PCDHGA10: variants seen among roughly 807,000 people sequenced by gnomAD.
The protein encoded by PCDHGA10 is protocadherin gamma subfamily A, 10.
In PCDHGA10, 42 loss-of-function variants were observed where a neutral mutation model predicts 59.5. That is an observed-to-expected ratio of 0.71 (90% CI 0.55 to 0.91). The LOEUF (loss-of-function observed/expected upper bound fraction) is 0.91, where lower values mean the gene tolerates loss of function less well. Among genes scored for constraint, PCDHGA10 ranks in the 40% least tolerant of loss-of-function variants. PCDHGA10 has a pLI of 0.00. For synonymous variants in PCDHGA10, 511 were observed against 517.2 expected (o/e 0.99, Z 0.16); for missense variants, 1,111 against 1,198.2 (o/e 0.93, Z 1.07).
intron 1 of PCDHGA10, among the ~76,000 whole-genome samples, chr5:141,435,011 A>G (rs2097737147): frequency 6.6e-6 from 1 of 152,126 alleles, no homozygotes; most frequent in African/African-American, 2.4e-5. Flanking sequence ...TTTATCAATG[A>G]TAATGCTCTT....
intron 1 of PCDHGA10, among the ~76,000 whole-genome samples, chr5:141,459,949 G>T (rs1284876601): frequency 2.0e-5 from 3 of 152,124 alleles, no homozygotes; most frequent in Non-Finnish European, 4.4e-5. Context: ...GTGATGGCAG[G>T]TGCCTGTAAT....
At position 141,486,368 on chromosome 5, in the gene PCDHGA10, T is replaced by C. The variant is rs1217513529; in HGVS notation, c.2437-8439T>C. 6.2e-7 allele frequency: 1 copy of C among 1,614,014 alleles called. No homozygotes were observed. Among genetic ancestry groups the C allele is most frequent in the Non-Finnish European group, 8.5e-7 (1 of 1,180,000 alleles). On this transcript the variant is annotated intron_variant, in intron 1 of 3. Coordinates refer to ENST00000398610, the MANE Select transcript of PCDHGA10 (RefSeq NM_018913.3). This position sits in a 1 kb window ranked among gnomAD's most constrained non-coding sequence, Gnocchi z 5.0. ...TGACCACTTGCCATTTGCCCTCAAGTCTGCCTTCAGGAACCAGTTCTCCCT... is the reference window on the plus strand; with the variant it reads ...TGACCACTTGCCATTTGCCCTCAAGCCTGCCTTCAGGAACCAGTTCTCCCT...
rs141958687 is a variant in PCDHGA10 at position 141,509,744 on chromosome 5, G to A, written c.2585-1203G>A. 3.3e-3 allele frequency among the ~76,000 whole-genome samples: 509 copies of A among 152,266 alleles called. 3 individuals are homozygous for A. The highest frequency in any genetic ancestry group is 5.5e-3 in the Non-Finnish European group (372 of 68,024). On this transcript the variant is annotated intron_variant, in intron 3 of 3. Coordinates refer to ENST00000398610, the MANE Select transcript of PCDHGA10 (RefSeq NM_018913.3). ...CACCTAGCTGTGGCACTCTGAGCCT[G>A]TGCCTAAAGTGTCCCTGAGATGTCT...
At chr5:141,498,361 T>C (rs1256361883) in intron 2 of PCDHGA10, among the ~76,000 whole-genome samples, 1 of 151,460 alleles carries the variant, frequency 6.6e-6, no homozygotes, top group African/African-American at 2.4e-5. Flanking sequence ...GCAAAAGCCT[T>C]GTGGTGAGGC....
chr5:141,498,805 C>T (rs1397026274), intron 2 of PCDHGA10, among the ~76,000 whole-genome samples: 1 of 152,000 alleles, frequency 6.6e-6, no homozygotes, highest in Non-Finnish European at 1.5e-5. Flanking sequence ...TGGTGGTGCA[C>T]ACCTGTAGTC....
In PCDHGA10 at chr5:141,415,487, A is replaced by C; in HGVS notation, c.2312A>C (p.His771Pro). 6.2e-7 allele frequency: 1 copy of C among 1,614,170 alleles called. No individual in the cohort carries two copies. The highest frequency in any genetic ancestry group is 8.5e-7 in the Non-Finnish European group (1 of 1,180,034). Residue 771 changes from histidine to proline, a missense_variant, in exon 1 of 4, where the codon CAC becomes CCC. Physicochemically the swap from His to Pro is moderately conservative, Grantham distance 77 (BLOSUM62 -2). Transcript: ENST00000398610. Reference protein sequence around the residue: ...VSLTADSRKSHLIFPQPNYAD... With the variant: ...VSLTADSRKSPLIFPQPNYAD... ...CTCACCGCGGACTCGCGAAAGAGTC[A>C]CCTGATCTTCCCCCAGCCCAATTAT...
Position 141,485,931 on chromosome 5 carries a change from A to C in PCDHGA10, c.2437-8876A>C, listed in dbSNP as rs761979804. 3 of 1,614,192 alleles carry C rather than the reference A, an allele frequency of 1.9e-6. No individual in the cohort carries two copies. In the South Asian group the frequency reaches 3.3e-5, roughly 18 times the overall value. On this transcript the variant is annotated intron_variant, in intron 1 of 3. Transcript: ENST00000398610. This position sits in a 1 kb window ranked among gnomAD's most constrained non-coding sequence, Gnocchi z 5.7. Reference sequence around the variant, plus strand: ...TCCAGCTACAGGATTAGTGTGTTGGAGAGCGCACCAGCGGGCATGGTGCTC... The same window carrying C: ...TCCAGCTACAGGATTAGTGTGTTGGCGAGCGCACCAGCGGGCATGGTGCTC...
Position 141,511,303 on chromosome 5 carries a change from C to T in PCDHGA10, c.*130C>T, listed in dbSNP as rs2099883709. 2.7e-6 allele frequency: 4 copies of T among 1,490,160 alleles called. No homozygotes were observed. Among genetic ancestry groups the T allele is most frequent in the Non-Finnish European group, 3.6e-6 (4 of 1,116,196 alleles). 92.3% of individuals were successfully genotyped at this position (1,490,160 alleles called of 1,614,324 possible). ...CTGGTAGGGGCCAAGGCCATGCTCC[C>T]CTTGGGAAACAGAAACAAGTGCCCA... On this transcript the variant is annotated 3_prime_UTR_variant, in exon 4 of 4. Coordinates refer to ENST00000398610, the MANE Select transcript of PCDHGA10 (RefSeq NM_018913.3).
At chr5:141,466,965 C>A (rs1345790988) in intron 1 of PCDHGA10, among the ~76,000 whole-genome samples, 1 of 152,016 alleles carries the variant, frequency 6.6e-6, no homozygotes, top group East Asian at 1.9e-4. Context: ...CAAATATTTT[C>A]TCACAGCTCA....
At chr5:141,450,292 C>T (rs1310226132) in intron 1 of PCDHGA10, among the ~76,000 whole-genome samples, 2 of 152,066 alleles carry the variant, frequency 1.3e-5, no homozygotes, top group African/African-American at 2.4e-5. Context: ...GGATTACAGG[C>T]GTGAGCCACC....
Position 141,489,343 on chromosome 5 carries a change from G to A in PCDHGA10, c.2437-5464G>A, listed in dbSNP as rs377697321. On this transcript the variant is annotated intron_variant, in intron 1 of 3. Coordinates refer to ENST00000398610, the MANE Select transcript of PCDHGA10 (RefSeq NM_018913.3). This position sits in a 1 kb window ranked among gnomAD's most constrained non-coding sequence, Gnocchi z 4.5. ...GGTGTCTGGGCAGCTTCGTTACTCA[G>A]TGGTGGAGGAGTCTGAGCCGGGGAC... The A allele has an allele frequency of 5.6e-6, 9 of 1,611,264 alleles. No individual in the cohort carries two copies. Among genetic ancestry groups the A allele is most frequent in the Non-Finnish European group, 7.6e-6 (9 of 1,178,202 alleles).
At chr5:141,497,272 T>G (rs568198729) in intron 2 of PCDHGA10, among the ~76,000 whole-genome samples, 20 of 152,254 alleles carry the variant, frequency 1.3e-4, no homozygotes, top group African/African-American at 4.3e-4. Flanking sequence ...CTAGGCCATT[T>G]ATGTTCCCTC....
intron 1 of PCDHGA10, chr5:141,427,758 A>T: frequency 7.4e-7 from 1 of 1,345,378 alleles, no homozygotes; most frequent in Non-Finnish European, 1.1e-6. Context: ...CATCGTTACC[A>T]CTGACTTGGA....
intron 1 of PCDHGA10, among the ~76,000 whole-genome samples, chr5:141,433,805 C>T (rs1325364387): frequency 1.3e-5 from 2 of 150,004 alleles, no homozygotes; most frequent in South Asian, 4.2e-4. Flanking sequence ...CCATTGCACT[C>T]CAGCCTGGGC....
chr5:141,477,506 G>T lies in PCDHGA10; in HGVS notation c.2437-17301G>T, dbSNP rs766083208. 6.2e-7 allele frequency: 1 copy of T among 1,614,028 alleles called. No homozygotes were observed. The highest frequency in any genetic ancestry group is 8.5e-7 in the Non-Finnish European group (1 of 1,180,016). On this transcript the variant is annotated intron_variant, in intron 1 of 3. Coordinates refer to ENST00000398610, the MANE Select transcript of PCDHGA10 (RefSeq NM_018913.3). This position sits in a 1 kb window ranked among gnomAD's most constrained non-coding sequence, Gnocchi z 4.9. ...ACAATCTTCTCAATCTTCCTACGAC[G>T]TTTACATTGAAGAAAACAACCTCCC...
intron 2 of PCDHGA10, among the ~76,000 whole-genome samples, chr5:141,502,834 A>G (rs1398558120): frequency 6.7e-6 from 1 of 149,378 alleles, no homozygotes; most frequent in Non-Finnish European, 1.5e-5. Flanking sequence ...GGAAGCCTGG[A>G]CTGGCTGAGC....
At chr5:141,472,805 G>C (rs2099297767) in intron 1 of PCDHGA10, among the ~76,000 whole-genome samples, 1 of 151,688 alleles carries the variant, frequency 6.6e-6, no homozygotes, top group African/African-American at 2.4e-5. Context: ...GACCAACATG[G>C]AGAAACCCCC....
intron 1 of PCDHGA10, among the ~76,000 whole-genome samples, chr5:141,475,556 T>A (rs1420756007): frequency 6.6e-6 from 1 of 152,248 alleles, no homozygotes; most frequent in Non-Finnish European, 1.5e-5. Context: ...CGGCTAATTG[T>A]CTGTCTTCCA....
At chr5:141,505,804 G>A (rs554534524) in intron 3 of PCDHGA10, among the ~76,000 whole-genome samples, 13 of 152,240 alleles carry the variant, frequency 8.5e-5, no homozygotes, top group Admixed American at 3.3e-4. Context: ...GACTTGGATC[G>A]ACTTGCTCAA....
Sources: allele counts gnomAD v4.1 joint callset (sites outside exome capture counted in the v4.1 genomes callset), GRCh38; gene constraint gnomAD v4.1.1; non-coding constraint Gnocchi (gnomAD v3.1); transcripts MANE v1.5; gene names NCBI Gene and HGNC (gene_info 2026-07-23, HGNC 2026-07-21).